Variants in SAMD3 observed in about 807,000 individuals in gnomAD.
SAMD3 encodes the protein sterile alpha motif domain-containing protein 3.
Under a neutral mutation model 58.5 loss-of-function variants are expected in SAMD3, and 63 were observed. That is an observed-to-expected ratio of 1.08 (90% CI 0.88 to 1.33). The LOEUF (loss-of-function observed/expected upper bound fraction) is 1.33, where lower values mean the gene tolerates loss of function less well. Ranked by LOEUF, SAMD3 falls within the 40% of genes most tolerant of loss-of-function variation. The pLI is 0.00. For missense variants in SAMD3, 604 were observed against 608.4 expected, an observed-to-expected ratio of 0.99 and a Z score of 0.08; for synonymous variants, 220 against 210.3, an observed-to-expected ratio of 1.05 and a Z score of -0.40.
rs537760986 is a variant in SAMD3, at chr6:130,333,145, G to A, written c.-303-20052C>T. On this transcript the variant is annotated intron_variant, in intron 1 of 13. Coordinates refer to the SAMD3 transcript ENST00000368134. ...AGGTGTAAATCAGTCTTCTGGCAGA[G>A]TAGAAAAGCAAATCTTCTGGGGATA... 2.6e-5 allele frequency among the ~76,000 whole-genome samples: 4 copies of A among 151,986 alleles called. No homozygotes were observed. In the South Asian group the frequency reaches 8.3e-4, roughly 32 times the overall value.
downstream of SAMD3, chr6:130,144,249 T>C (rs1210009963): frequency 2.4e-6 from 1 of 424,190 alleles, no homozygotes; most frequent in Non-Finnish European, 4.2e-6. Flanking sequence ...TCAAAAAAAC[T>C]GAGGCACCTC....
chr6:130,227,633 C>T (rs1424897054), upstream of SAMD3, among the ~76,000 whole-genome samples: 1 of 152,038 alleles, frequency 6.6e-6, no homozygotes, highest in Non-Finnish European at 1.5e-5. Flanking sequence ...ACCAGAAATA[C>T]AAACATTAGC....
At chr6:130,192,704 C>T (rs879433370) in intron 5 of SAMD3, among the ~76,000 whole-genome samples, 8 of 152,174 alleles carry the variant, frequency 5.3e-5, no homozygotes, top group East Asian at 1.9e-4. Context: ...CACACGGTCG[C>T]GCATGAAATT....
In SAMD3 at chr6:130,144,669, C is replaced by T; in HGVS notation, c.1414G>A (p.Ala472Thr). 1 of 1,614,150 alleles carries T rather than the reference C, an allele frequency of 6.2e-7. No homozygotes were observed. Among genetic ancestry groups the T allele is most frequent in the African/African-American group, 1.3e-5 (1 of 75,056 alleles). Residue 472 changes from alanine (A) to threonine (T), a missense_variant, in exon 12 of 12, where the codon GCC (alanine) becomes ACC (threonine). Transcript: ENST00000439090. ...CACTCAATCCTAAATACATGAAAGG[C>T]AGCTACTAGCGCAGCCAAGGCTGTA... ...CVTALAALVA[A>T]FHVFRIECPR...
At chr6:130,166,864 G>C (rs1378878630) in intron 8 of SAMD3, among the ~76,000 whole-genome samples, 3 of 152,164 alleles carry the variant, frequency 2.0e-5, no homozygotes, top group Admixed American at 6.5e-5. Context: ...CATTTTGAAG[G>C]CTAGATAATG....
At chr6:130,316,896 A>G (rs1776394479) in intron 1 of SAMD3, among the ~76,000 whole-genome samples, 1 of 152,210 alleles carries the variant, frequency 6.6e-6, no homozygotes, top group Admixed American at 6.5e-5. Flanking sequence ...TTGCAGACAA[A>G]ATATTGTAAA....
At chr6:130,254,198 A>G (rs1020628188) in intron 2 of SAMD3, among the ~76,000 whole-genome samples, 12 of 148,038 alleles carry the variant, frequency 8.1e-5, no homozygotes, top group African/African-American at 2.9e-4. Flanking sequence ...TTATTTTATT[A>G]TTATTATTTT....
At chr6:130,362,787 T>G (rs1046307420) in intron 1 of SAMD3, among the ~76,000 whole-genome samples, 1 of 152,238 alleles carries the variant, frequency 6.6e-6, no homozygotes, top group Non-Finnish European at 1.5e-5. Flanking sequence ...GGGTTAGCAC[T>G]GTTACTTGCA....
Position 130,144,344 on chromosome 6 carries a change from T to G in SAMD3, c.*176A>C, listed in dbSNP as rs1306328390. 1.0e-5 allele frequency: 6 copies of G among 584,066 alleles called. No homozygotes were observed. In the East Asian group the frequency reaches 1.8e-4, roughly 18 times the overall value. 36.2% of individuals were successfully genotyped at this position (584,066 alleles called of 1,614,324 possible). A position where few individuals can be genotyped will look rare whatever the true frequency, so the allele number is the denominator to read the frequency against. ...ATGAAGTAGAATTTTATTACAGAAT[T>G]TCACAAAGAACTTAATATCTAAGTG... On this transcript the variant is annotated 3_prime_UTR_variant, in exon 12 of 12. Transcript: ENST00000439090.
At chr6:130,278,268 C>T (rs904830009) in intron 2 of SAMD3, among the ~76,000 whole-genome samples, 1 of 152,168 alleles carries the variant, frequency 6.6e-6, no homozygotes, top group African/African-American at 2.4e-5. Flanking sequence ...ACTCCCAACT[C>T]ACTGGCCCCA....
intron 8 of SAMD3, among the ~76,000 whole-genome samples, chr6:130,170,292 G>GGTGT (rs1791125815): frequency 6.6e-6 from 1 of 152,164 alleles, no homozygotes; most frequent in Admixed American, 6.5e-5. Context: ...GAGAACACGT[G>GGTGT]GTGTGTTTGG....
intron 8 of SAMD3, among the ~76,000 whole-genome samples, chr6:130,156,573 C>A (rs1183306633): frequency 6.6e-6 from 1 of 152,032 alleles, no homozygotes; most frequent in African/African-American, 2.4e-5. Flanking sequence ...ATTGATTTAC[C>A]CATTACGTTT....
In SAMD3 at chr6:130,341,983, G is replaced by C. The variant is rs138701769; in HGVS notation, c.-304+23137C>G. ...AGAGTTCCTACAAAGCAAAAACATTGACATGTCTCCTGACCTTACCATAAT... is the reference window on the plus strand; with the variant it reads ...AGAGTTCCTACAAAGCAAAAACATTCACATGTCTCCTGACCTTACCATAAT... On this transcript the variant is annotated intron_variant, in intron 1 of 13. Transcript: ENST00000368134. Among the ~76,000 whole-genome samples the C allele has an allele frequency of 6.2e-3, 949 of 152,240 alleles. 15 individuals carry two copies. The highest frequency in any genetic ancestry group is 5.2e-3 in the Non-Finnish European group (352 of 68,024).
intron 8 of SAMD3, among the ~76,000 whole-genome samples, chr6:130,171,403 G>C (rs916452602): frequency 2.0e-5 from 3 of 151,902 alleles, no homozygotes; most frequent in African/African-American, 7.2e-5. Context: ...AAATCTTCTG[G>C]TACATTGTAT....
rs563649473 is a variant in SAMD3 at position 130,244,259 on chromosome 6, T to C, written c.-187-21446A>G. On this transcript the variant is annotated intron_variant, in intron 2 of 13. Coordinates refer to the SAMD3 transcript ENST00000368134. ...GCCCCACTAACCTTAGGATGTGTCA[T>C]AAAAGCCTGTAAATGATTGAGAAAC... Among the ~76,000 whole-genome samples the C allele has an allele frequency of 3.7e-4, 57 of 152,300 alleles. 1 individual carries two copies. The highest frequency in any genetic ancestry group is 1.3e-3 in the African/African-American group (54 of 41,576).
intron 7 of SAMD3, among the ~76,000 whole-genome samples, chr6:130,181,406 G>A (rs575993217): frequency 1.3e-5 from 2 of 151,964 alleles, no homozygotes; most frequent in South Asian, 2.1e-4. Context: ...ACACACACTC[G>A]CAGGGAGAAT....
At chr6:130,272,526 A>G (rs2114938151) in intron 2 of SAMD3, among the ~76,000 whole-genome samples, 1 of 152,362 alleles carries the variant, frequency 6.6e-6, no homozygotes, top group East Asian at 1.9e-4. Context: ...AAATAATTAG[A>G]GAGCCAGGAA....
intron 2 of SAMD3, among the ~76,000 whole-genome samples, chr6:130,245,875 C>T (rs572556403): frequency 1.2e-4 from 19 of 152,076 alleles, no homozygotes; most frequent in Non-Finnish European, 2.1e-4. Context: ...GCAAATCATG[C>T]GTGTGTCTTC....
intron 1 of SAMD3, among the ~76,000 whole-genome samples, chr6:130,337,175 A>G (rs1777125637): frequency 6.6e-6 from 1 of 152,090 alleles, no homozygotes; most frequent in Non-Finnish European, 1.5e-5. Context: ...AGGTGACTGG[A>G]TCATGGGGGT....
Sources: allele counts gnomAD v4.1 joint callset (sites outside exome capture counted in the v4.1 genomes callset), GRCh38; gene constraint gnomAD v4.1.1; transcripts MANE v1.5; gene names NCBI Gene and HGNC (gene_info 2026-07-23, HGNC 2026-07-21).